Variants in PYROXD2 observed in about 807,000 individuals in gnomAD.
PYROXD2 encodes pyridine nucleotide-disulfide oxidoreductase domain-containing protein 2.
Under a neutral mutation model 71.1 loss-of-function variants are expected in PYROXD2, and 69 were observed. The ratio of observed to expected loss-of-function variants is 0.97; its 90% confidence interval spans 0.80 to 1.19. The LOEUF is 1.19. Among genes scored for constraint, PYROXD2 ranks in the 50% most tolerant of loss-of-function variants. PYROXD2 has a pLI of 0.00. For missense variants in PYROXD2, 745 were observed against 748.9 expected (o/e 0.99, Z 0.06); for synonymous variants, 287 against 302.7 (o/e 0.95, Z 0.54).
At position 98,384,818 on chromosome 10, in the gene PYROXD2, T is replaced by G. The variant is rs1223714578; in HGVS notation, c.1675+129A>C. Reference sequence around the variant, plus strand: ...GGATAATTCTGAACACAGGGCAGCTTATGTTGGGAGTTCCCTGCTCCCCTC... The same window carrying G: ...GGATAATTCTGAACACAGGGCAGCTGATGTTGGGAGTTCCCTGCTCCCCTC... On this transcript the variant is annotated intron_variant, in intron 15 of 15. Coordinates refer to ENST00000370575, the MANE Select transcript of PYROXD2 (RefSeq NM_032709.3). The G allele has an allele frequency of 2.3e-6, 3 of 1,321,156 alleles. No individual in the cohort carries two copies. The African/African-American group carries it at 4.5e-5, about 20-fold the overall frequency. The allele number at this position is 1,321,156 out of a possible 1,614,324, so 81.8% of individuals were successfully genotyped here. A position where few individuals can be genotyped will look rare whatever the true frequency, so the allele number is the denominator to read the frequency against.
chr10:98,414,937 C>G (rs1403664550), intron 1 of PYROXD2, 72 bp downstream of exon 1: 4 of 1,559,788 alleles, frequency 2.6e-6, no homozygotes, highest in Middle Eastern at 1.7e-4. Flanking sequence ...CCCCCTCCCC[C>G]TCCCCACCAA....
At chr10:98,411,128 C>T in intron 1 of PYROXD2, 170 bp from the exon 2 acceptor site, 1 of 858,688 alleles carries the variant, frequency 1.2e-6, no homozygotes, top group Middle Eastern at 3.4e-4. Context: ...TAGTTCAACT[C>T]CATGAAACAC....
At chr10:98,385,218 G>T in intron 14 of PYROXD2, 151 bp from the exon 15 acceptor site, 1 of 1,148,410 alleles carries the variant, frequency 8.7e-7, no homozygotes, top group African/African-American at 1.6e-5. Context: ...GGAAGGAGAT[G>T]AGACGGAATG....
chr10:98,393,033 G>A lies in PYROXD2; in HGVS notation c.836C>T (p.Ala279Val). The change falls in exon 9 of 16, where the codon GCC becomes GTC. Residue 279 changes from alanine to valine, a missense_variant. Physicochemically the swap from Ala to Val is moderately conservative, Grantham distance 64. Transcript: ENST00000370575. Reference sequence around the variant, plus strand: ...CATGCCCCCCTGGACGTAGCCCCAGGCCCCCTGCATTCCCTCCAGGCCCCC... The same window carrying A: ...CATGCCCCCCTGGACGTAGCCCCAGACCCCCTGCATTCCCTCCAGGCCCCC... ...VMGGLEGMQG[A>V]WGYVQGGMGA... The A allele has an allele frequency of 1.2e-6, 2 of 1,607,102 alleles. No homozygotes were observed. The highest frequency in any genetic ancestry group is 1.7e-6 in the Non-Finnish European group (2 of 1,176,168).
rs182540056 is a variant in PYROXD2 at position 98,390,095 on chromosome 10, T to C, written c.1292+503A>G. Among the ~76,000 whole-genome samples the C allele has an allele frequency of 5.8e-4, 89 of 152,290 alleles. No homozygotes were observed. In the East Asian group the frequency reaches 0.017, roughly 29 times the overall value. ...TGAGTAGGTTTTCAACAGTGTGTGC[T>C]GGACAGCGGACAGGATGGAAAGGCA... On this transcript the variant is annotated intron_variant, in intron 12 of 15. Transcript: ENST00000370575.
At chr10:98,411,024 T>C in intron 1 of PYROXD2, 66 bp from the exon 2 acceptor site, 1 of 1,550,696 alleles carries the variant, frequency 6.4e-7, no homozygotes, top group East Asian at 2.4e-5. Context: ...AGACAGTCCT[T>C]GAGGAATGTG....
chr10:98,391,721 C>G (rs1284549095), intron 10 of PYROXD2, among the ~76,000 whole-genome samples: 1 of 152,222 alleles, frequency 6.6e-6, no homozygotes, highest in Non-Finnish European at 1.5e-5. Flanking sequence ...CCATGTGATG[C>G]TTGCATGCAT....
chr10:98,397,877 C>CTTTTTTTT (rs60678578), intron 5 of PYROXD2, among the ~76,000 whole-genome samples: 23 of 84,162 alleles, frequency 2.7e-4, no homozygotes, highest in Non-Finnish European at 4.0e-4. Context: ...GTCCTTTCTT[C>CTTTTTTTT]TTTTTTTTTT....
chr10:98,394,793 C>T (rs556700204), intron 8 of PYROXD2, among the ~76,000 whole-genome samples: 2 of 151,772 alleles, frequency 1.3e-5, no homozygotes, highest in South Asian at 2.1e-4. Context: ...TGGGCGTTTG[C>T]GGGAGTGGAG....
Position 98,384,872 on chromosome 10 carries a change from C to G in PYROXD2, c.1675+75G>C. 2.7e-6 allele frequency: 4 copies of G among 1,491,500 alleles called. No individual in the cohort carries two copies. In the South Asian group the frequency reaches 4.2e-5, roughly 15 times the overall value. 92.4% of individuals were successfully genotyped at this position (1,491,500 alleles called of 1,614,324 possible). A position where few individuals can be genotyped will look rare whatever the true frequency, so the allele number is the denominator to read the frequency against. Reference sequence around the variant, plus strand: ...CTCTGCCACCTTCATTGCTTAACTTCCTCCTTCTCCAAGTCTCTGGCCTCC... The same window carrying G: ...CTCTGCCACCTTCATTGCTTAACTTGCTCCTTCTCCAAGTCTCTGGCCTCC... On this transcript the variant is annotated intron_variant, in intron 15 of 15. Transcript: ENST00000370575.
intron 4 of PYROXD2, among the ~76,000 whole-genome samples, chr10:98,403,567 C>CT (rs746146533): frequency 7.2e-5 from 11 of 152,218 alleles, no homozygotes; most frequent in Admixed American, 1.3e-4. Context: ...CCACACTGAC[C>CT]TGCCCTCTGC....
intron 2 of PYROXD2, among the ~76,000 whole-genome samples, chr10:98,410,451 A>G (rs947122889): frequency 6.6e-6 from 1 of 152,156 alleles, no homozygotes; most frequent in Non-Finnish European, 1.5e-5. Context: ...GAGCTCCTCA[A>G]TGTCTCCAGG....
At chr10:98,412,718 C>G (rs1843829824) in intron 1 of PYROXD2, among the ~76,000 whole-genome samples, 1 of 152,162 alleles carries the variant, frequency 6.6e-6, no homozygotes, top group South Asian at 2.1e-4. Context: ...TTAAACCAGG[C>G]TTTATGGTAT....
chr10:98,395,498 G>A (rs779438626), intron 6 of PYROXD2, 46 bp from the exon 7 acceptor site: 7 of 1,546,660 alleles, frequency 4.5e-6, no homozygotes, highest in Non-Finnish European at 6.3e-6. Flanking sequence ...AGGTGACAGG[G>A]AAACCCTCCG....
chr10:98,397,521 G>A (rs1285135770), intron 5 of PYROXD2, 23 bp from the exon 6 acceptor site: 1 of 1,567,884 alleles, frequency 6.4e-7, no homozygotes. Flanking sequence ...TCTGCATTAA[G>A]GCCCCACTGT....
chr10:98,385,180 A>G (rs1352488451), intron 14 of PYROXD2, 113 bp from the exon 15 acceptor site: 1 of 1,412,278 alleles, frequency 7.1e-7, no homozygotes, highest in Non-Finnish European at 9.6e-7. Context: ...CTTCCAGGAT[A>G]TTTTCTTGGG....
At chr10:98,396,025 T>C (rs759346812) in intron 6 of PYROXD2, among the ~76,000 whole-genome samples, 48 of 152,318 alleles carry the variant, frequency 3.2e-4, no homozygotes, top group South Asian at 8.3e-4. Flanking sequence ...TTGCCTGTTT[T>C]TCACACAGAG....
At chr10:98,398,683 T>C (rs571469318) in intron 5 of PYROXD2, among the ~76,000 whole-genome samples, 3 of 152,184 alleles carry the variant, frequency 2.0e-5, no homozygotes, top group Non-Finnish European at 2.9e-5. Flanking sequence ...GTCGCTGGCA[T>C]GTAGGGCCAC....
chr10:98,413,026 T>C (rs1843840592), intron 1 of PYROXD2, among the ~76,000 whole-genome samples: 1 of 152,190 alleles, frequency 6.6e-6, no homozygotes, highest in Non-Finnish European at 1.5e-5. Flanking sequence ...AGGTAATAAA[T>C]ACTCAAAACA....
Sources: allele counts gnomAD v4.1 joint callset (sites outside exome capture counted in the v4.1 genomes callset), GRCh38; gene constraint gnomAD v4.1.1; transcripts MANE v1.5; gene names NCBI Gene and HGNC (gene_info 2026-07-23, HGNC 2026-07-21).